Variants in DDX56 observed in about 807,000 individuals in gnomAD.
DDX56 encodes the protein probable ATP-dependent RNA helicase DDX56.
DDX56 carries 45 observed loss-of-function variants against 61.5 expected under a neutral mutation model. The observed-to-expected ratio is 0.73, with a 90% CI of 0.58 to 0.94. DDX56 has a LOEUF of 0.94. Among genes scored for constraint, DDX56 ranks in the 40% least tolerant of loss-of-function variants. DDX56 has a pLI of 0.00. For synonymous variants in DDX56, 273 were observed against 268.3 expected, an observed-to-expected ratio of 1.02 and a Z score of -0.17; for missense variants, 708 against 690.7, an observed-to-expected ratio of 1.02 and a Z score of -0.28.
At position 44,573,876 on chromosome 7, in the gene DDX56, A is replaced by T; in HGVS notation, c.20T>A (p.Leu7Gln). Reference protein sequence around the residue: MEDSEALGFEHMGLDPR... With the variant: MEDSEAQGFEHMGLDPR... ...ATCGAGGCCCATGTGTTCGAAGCCC[A>T]GTGCTTCAGAGTCCTCCATGGCGCT... The change falls in exon 1 of 14, where the codon CTG becomes CAG. Residue 7 changes from leucine to glutamine, a missense_variant. Coordinates refer to ENST00000258772, the MANE Select transcript of DDX56 (RefSeq NM_019082.4). 1 of 1,613,254 alleles carries T rather than the reference A, an allele frequency of 6.2e-7. No homozygotes were observed. Among genetic ancestry groups the T allele is most frequent in the Non-Finnish European group, 8.5e-7 (1 of 1,179,984 alleles).
intron 12 of DDX56, among the ~76,000 whole-genome samples, chr7:44,566,981 C>T (rs2117117283): frequency 6.6e-6 from 1 of 152,228 alleles, no homozygotes; most frequent in South Asian, 2.1e-4. Flanking sequence ...TGACACCTTT[C>T]CACCTTCTCC....
rs753259725 is a variant in DDX56, at chr7:44,569,920, T to C, written c.1125-17A>G. On this transcript the variant is annotated splice_polypyrimidine_tract_variant and intron_variant, in intron 8 of 13. Coordinates refer to ENST00000258772, the MANE Select transcript of DDX56 (RefSeq NM_019082.4). ...CGTGCTGTCCTGCAAGGGAAGACAGTGCAGCTTGCATCTCCAACCCGCAGG... is the reference window on the plus strand; with the variant it reads ...CGTGCTGTCCTGCAAGGGAAGACAGCGCAGCTTGCATCTCCAACCCGCAGG... 1.2e-6 allele frequency: 2 copies of C among 1,611,244 alleles called. No homozygotes were observed. The highest frequency in any genetic ancestry group is 1.1e-5 in the South Asian group (1 of 90,488).
At chr7:44,567,842 C>T (rs546627984) in intron 12 of DDX56, 6 of 499,520 alleles carry the variant, frequency 1.2e-5, no homozygotes, top group Non-Finnish European at 2.2e-5. Context: ...GCTCTGGAGA[C>T]GACCTGGCCT....
chr7:44,572,626 C>T lies in DDX56; in HGVS notation c.502G>A (p.Ala168Thr). ...AAGCCAAAGGAAAAAAGAAGGTCAG[C>T]TTCGTCCACCACCAAAAGCTCCAGG... ...DSLELLVVDE[A>T]DLLFSFGFEE... The change falls in exon 4 of 14, where the codon GCT becomes ACT. Residue 168 changes from alanine to threonine, a missense_variant. By Grantham distance (58) the Ala-to-Thr change is moderately conservative. Coordinates refer to ENST00000258772, the MANE Select transcript of DDX56 (RefSeq NM_019082.4). 6.2e-7 allele frequency: 1 copy of T among 1,614,190 alleles called. No individual in the cohort carries two copies. The highest frequency in any genetic ancestry group is 8.5e-7 in the Non-Finnish European group (1 of 1,180,028).
intron 10 of DDX56, 60 bp from the exon 11 acceptor site, chr7:44,569,052 T>TGG: frequency 6.2e-7 from 1 of 1,611,126 alleles, no homozygotes; most frequent in South Asian, 1.1e-5. Flanking sequence ...CCTTCACACC[T>TGG]GGATGCTCAG....
intron 7 of DDX56, 47 bp from the exon 8 acceptor site, chr7:44,570,175 C>A (rs1397041028): frequency 1.4e-5 from 22 of 1,598,868 alleles, no homozygotes; most frequent in Non-Finnish European, 1.8e-5. Flanking sequence ...CTCCTCTGGG[C>A]ACGTATTCAC....
At position 44,565,971 on chromosome 7, in the gene DDX56, A is replaced by G; in HGVS notation, c.*31T>C. On this transcript the variant is annotated 3_prime_UTR_variant, in exon 14 of 14. Transcript: ENST00000258772. ...GAAGGGTGTAAGCCTGTGCTCCACAATGTGCTCAGCTCCAGAGAGGCCCAA... is the reference window on the plus strand; with the variant it reads ...GAAGGGTGTAAGCCTGTGCTCCACAGTGTGCTCAGCTCCAGAGAGGCCCAA... The G allele has an allele frequency of 6.5e-7, 1 of 1,541,838 alleles. No homozygotes were observed. The highest frequency in any genetic ancestry group is 2.2e-5 in the East Asian group (1 of 44,472).
chr7:44,572,338 G>C lies in DDX56; in HGVS notation c.645+9C>G. On this transcript the variant is annotated intron_variant, in intron 5 of 13. Coordinates refer to ENST00000258772, the MANE Select transcript of DDX56 (RefSeq NM_019082.4). The stretch of plus-strand genomic sequence containing the variant: ...CTGCAGCTCCAGACACTTCCATGGT[G>C]CCTCTTACCGGGTTATGTAATATCA... 1.2e-6 allele frequency: 2 copies of C among 1,610,892 alleles called. No homozygotes were observed. The highest frequency in any genetic ancestry group is 1.7e-6 in the Non-Finnish European group (2 of 1,177,314).
chr7:44,567,882 C>T, intron 12 of DDX56: 2 of 567,852 alleles, frequency 3.5e-6, no homozygotes, highest in Middle Eastern at 4.9e-4. Context: ...CCACCCTGCA[C>T]TACCTCAATT....
rs949826575 is a variant in DDX56 at position 44,566,475 on chromosome 7, C to T, written c.1539G>A (p.Lys513=). 6.4e-7 allele frequency: 1 copy of T among 1,562,894 alleles called. No homozygotes were observed. Residue 513 remains lysine, a synonymous_variant, in exon 13 of 14, where the codon AAG becomes AAA. Transcript: ENST00000258772. The part of the protein sequence containing the change: ...GLVRPHKKRK[K]LSSSCRKAKR... ...TGGCCTTCCTACAAGAGGAAGACAGCTTCTTCCGCTTCTTGTGAGGGCGCA... is the reference window on the plus strand; with the variant it reads ...TGGCCTTCCTACAAGAGGAAGACAGTTTCTTCCGCTTCTTGTGAGGGCGCA...
intron 4 of DDX56, 27 bp downstream of exon 4, chr7:44,572,547 T>TACTCAC: frequency 6.2e-7 from 1 of 1,613,544 alleles, no homozygotes; most frequent in Non-Finnish European, 8.5e-7. Context: ...ATGTTTCCAC[T>TACTCAC]AGGAATCACA....
intron 12 of DDX56, among the ~76,000 whole-genome samples, 169 bp downstream of exon 12, chr7:44,567,949 T>G (rs17725305): frequency 0.12 from 18,985 of 152,206 alleles, 2,305 homozygotes; most frequent in East Asian, 0.44. Flanking sequence ...AGCAAACAAG[T>G]TTAGAAACAC....
Position 44,568,202 on chromosome 7 carries a change from T to A in DDX56, c.1405A>T (p.Arg469Trp), listed in dbSNP as rs1167909325. The A allele has an allele frequency of 6.2e-7, 1 of 1,611,874 alleles. No individual in the cohort carries two copies. The highest frequency in any genetic ancestry group is 1.1e-5 in the South Asian group (1 of 90,956). ...KLKTYFEDNP[R>W]DLQLLRHDLP... ...TCATGCCGCAGCAGCTGGAGGTCCC[T>A]AGGGTTGTCTTCAAAGTATGTCTGC... Residue 469 changes from arginine to tryptophan, a missense_variant, in exon 12 of 14, where the codon AGG becomes TGG. By Grantham distance (101) the Arg-to-Trp change is moderately radical. Coordinates refer to ENST00000258772, the MANE Select transcript of DDX56 (RefSeq NM_019082.4).
intron 2 of DDX56, 135 bp from the exon 3 acceptor site, chr7:44,573,185 C>A: frequency 1.3e-6 from 1 of 780,832 alleles, no homozygotes; most frequent in Non-Finnish European, 2.0e-6. Flanking sequence ...TCACTCTGCC[C>A]GCCTCAGAAT....
At chr7:44,571,857 G>T in intron 5 of DDX56, 121 bp from the exon 6 acceptor site, 1 of 1,328,010 alleles carries the variant, frequency 7.5e-7, no homozygotes, top group Non-Finnish European at 1.0e-6. Flanking sequence ...AAGGATTCCT[G>T]GCACCCTAAC....
At chr7:44,569,948 C>T in intron 8 of DDX56, 45 bp from the exon 9 acceptor site, 3 of 1,612,194 alleles carry the variant, frequency 1.9e-6, no homozygotes, top group East Asian at 4.5e-5. Context: ...CCCGCAGGCT[C>T]TGTCCAGCAC....
chr7:44,571,006 T>C (rs554503296), intron 6 of DDX56, 129 bp from the exon 7 acceptor site: 2 of 1,209,598 alleles, frequency 1.7e-6, no homozygotes, highest in East Asian at 2.5e-5. Flanking sequence ...TACTTAATCA[T>C]TGTGCCTCAG....
intron 7 of DDX56, 91 bp downstream of exon 7, chr7:44,570,667 T>A (rs899393643): frequency 6.7e-7 from 1 of 1,499,570 alleles, no homozygotes; most frequent in Admixed American, 2.1e-5. Context: ...AAGGTTTGGC[T>A]CCCTGCTCTG....
At position 44,569,886 on chromosome 7, in the gene DDX56, T is replaced by C. The variant is rs755416871; in HGVS notation, c.1142A>G (p.Asn381Ser). 25 of 1,611,096 alleles carry C rather than the reference T, an allele frequency of 1.6e-5. No homozygotes were observed. Among genetic ancestry groups the C allele is most frequent in the Admixed American group, 6.7e-5 (4 of 59,648 alleles). ...CACAAAGGTTAAGACTATGCCTGGG[T>C]TGTTAGCGCGTGCTGTCCTGCAAGG... The part of the protein sequence containing the change: ...HRAGRTARAN[N>S]PGIVLTFVLP... The change falls in exon 9 of 14, where the codon AAC becomes AGC. Residue 381 changes from asparagine (N) to serine (S), a missense_variant. By Grantham distance (46) the Asn-to-Ser change is conservative (BLOSUM62 1). Transcript: ENST00000258772.
Sources: allele counts gnomAD v4.1 joint callset (sites outside exome capture counted in the v4.1 genomes callset), GRCh38; gene constraint gnomAD v4.1.1; transcripts MANE v1.5; gene names NCBI Gene and HGNC (gene_info 2026-07-23, HGNC 2026-07-21).